The following CHCHD3 variants were observed in gnomAD, a reference collection of about 807,000 sequenced individuals.
CHCHD3 encodes coiled-coil-helix-coiled-coil-helix domain containing 3, also known as MICOS complex subunit MIC19.
In CHCHD3, 20 loss-of-function variants were observed where a neutral mutation model predicts 38.2. The ratio of observed to expected loss-of-function variants is 0.52; its 90% CI spans 0.37 to 0.76. The LOEUF (loss-of-function observed/expected upper bound fraction) is 0.76. CHCHD3 is among the 30% of genes least tolerant of loss of function. CHCHD3 has a pLI of 0.00. For missense variants in CHCHD3, 245 were observed against 279.2 expected (o/e 0.88, Z 0.87); for synonymous variants, 82 against 100.0 (o/e 0.82, Z 1.07).
intron 4 of CHCHD3, among the ~76,000 whole-genome samples, chr7:132,958,021 AAC>A (rs1811224847): frequency 1.3e-5 from 2 of 152,216 alleles, no homozygotes; most frequent in Admixed American, 1.3e-4. Flanking sequence ...TGGCCAAAAG[AAC>A]ACATATGTGG....
At chr7:132,860,358 G>A (rs950010556) in intron 5 of CHCHD3, among the ~76,000 whole-genome samples, 6 of 151,298 alleles carry the variant, frequency 4.0e-5, no homozygotes, top group South Asian at 2.1e-4. Context: ...ATTGTTTTTT[G>A]TTTGTTTCAA....
intron 4 of CHCHD3, among the ~76,000 whole-genome samples, chr7:132,905,986 T>C (rs1355922297): frequency 6.6e-6 from 1 of 152,196 alleles, no homozygotes. Context: ...TTTGCTGAAG[T>C]GCTGGCTTGA....
intron 2 of CHCHD3, among the ~76,000 whole-genome samples, chr7:133,069,260 C>T (rs569667320): frequency 1.2e-4 from 16 of 135,676 alleles, no homozygotes; most frequent in Non-Finnish European, 2.3e-4. Flanking sequence ...TTCCTCTAAA[C>T]GTATCAGAAG....
chr7:132,900,773 C>T (rs1809646364), intron 4 of CHCHD3, among the ~76,000 whole-genome samples: 2 of 152,136 alleles, frequency 1.3e-5, no homozygotes, highest in African/African-American at 4.8e-5. Flanking sequence ...GGTGGATCAC[C>T]TGAGGTCAGG....
intron 4 of CHCHD3, among the ~76,000 whole-genome samples, chr7:132,902,393 C>G (rs566261531): frequency 5.9e-5 from 9 of 152,246 alleles, no homozygotes; most frequent in Admixed American, 3.9e-4. Flanking sequence ...GCACTACTCA[C>G]AATAGCAAAG....
Position 132,963,440 on chromosome 7 carries a change from G to A in CHCHD3, c.369+11729C>T, listed in dbSNP as rs556049964. Reference sequence around the variant, plus strand: ...AGGTCGGGAGATCGAGACCATCCTGGCTAACACGGTGAAACTCCGTCTCTA... The same window carrying A: ...AGGTCGGGAGATCGAGACCATCCTGACTAACACGGTGAAACTCCGTCTCTA... On this transcript the variant is annotated intron_variant, in intron 4 of 7. Transcript: ENST00000262570. 9.4e-5 allele frequency among the ~76,000 whole-genome samples: 14 copies of A among 148,214 alleles called. No individual in the cohort carries two copies. In the South Asian group the frequency reaches 3.0e-3, roughly 32 times the overall value.
chr7:133,028,234 A>AT (rs1285684578), intron 2 of CHCHD3, among the ~76,000 whole-genome samples: 1 of 152,234 alleles, frequency 6.6e-6, no homozygotes, highest in African/African-American at 2.4e-5. Context: ...CAACAGCAAG[A>AT]TACTTCTCAG....
chr7:132,989,500 G>T (rs1812212149), intron 3 of CHCHD3, among the ~76,000 whole-genome samples: 1 of 151,786 alleles, frequency 6.6e-6, no homozygotes, highest in Non-Finnish European at 1.5e-5. Flanking sequence ...CCTTCCAGAT[G>T]ATTGCCTCCC....
chr7:132,872,781 T>C (rs1808797302), intron 5 of CHCHD3, among the ~76,000 whole-genome samples: 3 of 152,204 alleles, frequency 2.0e-5, no homozygotes, highest in Middle Eastern at 3.4e-3. Context: ...AAACAAAAAA[T>C]GTCAGGCCCA....
chr7:132,797,905 C>T (rs946747046), intron 6 of CHCHD3, among the ~76,000 whole-genome samples: 2 of 152,056 alleles, frequency 1.3e-5, no homozygotes, highest in African/African-American at 4.8e-5. Context: ...TCTTGAAATT[C>T]GTGTTTTTTC....
intron 4 of CHCHD3, among the ~76,000 whole-genome samples, chr7:132,893,424 C>T (rs1386673541): frequency 6.6e-6 from 1 of 152,140 alleles, no homozygotes. Context: ...TTTACAGGCT[C>T]CTACATAGAA....
At chr7:132,870,207 C>T (rs904805705) in intron 5 of CHCHD3, among the ~76,000 whole-genome samples, 1 of 151,708 alleles carries the variant, frequency 6.6e-6, no homozygotes, top group Non-Finnish European at 1.5e-5. Context: ...AAAATTAGCC[C>T]GGTGTGATGG....
intron 3 of CHCHD3, 95 bp from the exon 4 acceptor site, chr7:132,975,381 G>A: frequency 1.9e-6 from 2 of 1,052,976 alleles, no homozygotes; most frequent in Admixed American, 4.3e-5. Flanking sequence ...GAAACACATA[G>A]CCAAAAAGGT....
intron 4 of CHCHD3, among the ~76,000 whole-genome samples, chr7:132,955,909 G>A (rs751786573): frequency 6.6e-6 from 1 of 152,182 alleles, no homozygotes; most frequent in Non-Finnish European, 1.5e-5. Context: ...AGGGTGGTCA[G>A]ATAACAAGGG....
intron 4 of CHCHD3, among the ~76,000 whole-genome samples, chr7:132,924,807 C>T (rs964400148): frequency 2.0e-5 from 3 of 152,086 alleles, no homozygotes; most frequent in African/African-American, 2.4e-5. Context: ...GCTCTTTCAC[C>T]GTCTTAAAAC....
intron 6 of CHCHD3, among the ~76,000 whole-genome samples, chr7:132,836,283 C>T (rs1181495704): frequency 1.3e-5 from 2 of 152,094 alleles, no homozygotes; most frequent in Admixed American, 1.3e-4. Flanking sequence ...CCATGCCCAG[C>T]TAATTTTTGT....
intron 2 of CHCHD3, among the ~76,000 whole-genome samples, chr7:133,048,054 C>G (rs954940884): frequency 6.6e-6 from 1 of 152,052 alleles, no homozygotes; most frequent in Non-Finnish European, 1.5e-5. Flanking sequence ...CGCCATTGCA[C>G]TCCAGGCTGG....
intron 4 of CHCHD3, among the ~76,000 whole-genome samples, chr7:132,925,883 G>A (rs1810365989): frequency 6.6e-6 from 1 of 152,162 alleles, no homozygotes; most frequent in South Asian, 2.1e-4. Flanking sequence ...ATATTCACAA[G>A]GAAAGGTATT....
At chr7:132,882,432 C>G (rs750762031) in intron 5 of CHCHD3, among the ~76,000 whole-genome samples, 1 of 150,736 alleles carries the variant, frequency 6.6e-6, no homozygotes, top group African/African-American at 2.4e-5. Flanking sequence ...ACTTCCCAGG[C>G]TGATCTTCAA....
Sources: allele counts gnomAD v4.1 joint callset (sites outside exome capture counted in the v4.1 genomes callset), GRCh38; gene constraint gnomAD v4.1.1; transcripts MANE v1.5; gene names NCBI Gene and HGNC (gene_info 2026-07-23, HGNC 2026-07-21).